DCAF15: variants seen among roughly 807,000 people sequenced by gnomAD.
DCAF15 encodes DDB1- and CUL4-associated factor 15.
DCAF15 carries 24 observed loss-of-function variants against 68.0 expected under a neutral mutation model. The ratio of observed to expected loss-of-function variants is 0.35; its 90% CI spans 0.26 to 0.50. The LOEUF (loss-of-function observed/expected upper bound fraction) is 0.50. Ranked by LOEUF, DCAF15 falls within the 20% of genes least tolerant of loss-of-function variation. The pLI, the probability that DCAF15 is intolerant of heterozygous loss-of-function variation, is 0.98. For synonymous variants in DCAF15, 376 were observed against 341.6 expected, an observed-to-expected ratio of 1.10 and a Z score of -1.11; for missense variants, 627 against 830.6, an observed-to-expected ratio of 0.75 and a Z score of 3.01.
chr19:13,960,146 G>A (rs993616962), intron 10 of DCAF15, 77 bp downstream of exon 10: 18 of 1,585,730 alleles, frequency 1.1e-5, no homozygotes, highest in African/African-American at 6.7e-5. Context: ...GTGTGGGGAC[G>A]TGAGAAGGCT....
intron 6 of DCAF15, among the ~76,000 whole-genome samples, chr19:13,956,751 C>T (rs1293299743): frequency 2.6e-5 from 4 of 152,246 alleles, no homozygotes; most frequent in Non-Finnish European, 4.4e-5. Context: ...CTCCAGCAGC[C>T]ACTTGGAATG....
At chr19:13,955,847 C>A in intron 3 of DCAF15, 65 bp from the exon 4 acceptor site, 1 of 1,546,046 alleles carries the variant, frequency 6.5e-7, no homozygotes, top group South Asian at 1.1e-5. Context: ...GGGACTGCAT[C>A]GTACAGCTTC....
intron 1 of DCAF15, chr19:13,953,062 C>T (rs541784705): frequency 2.6e-6 from 4 of 1,546,676 alleles, no homozygotes; most frequent in South Asian, 2.4e-5. Context: ...CTTCCTCCGC[C>T]TGATGTTCCT....
rs773923258 is a variant in DCAF15 at position 13,961,280 on chromosome 19, G to C, written c.*285G>C. 2 of 529,388 alleles carry C rather than the reference G, an allele frequency of 3.8e-6. No homozygotes were observed. Among genetic ancestry groups the C allele is most frequent in the Non-Finnish European group, 6.8e-6 (2 of 293,154 alleles). 32.8% of individuals were successfully genotyped at this position (529,388 alleles called of 1,614,324 possible). A position where few individuals can be genotyped will look rare whatever the true frequency, so the allele number is the denominator to read the frequency against. On this transcript the variant is annotated 3_prime_UTR_variant, in exon 13 of 13. Transcript: ENST00000254337. ...GAGCTGGGCATGGGCCTGGCCCCTC[G>C]TGCATTTGCCCTTTTCTCGGCTACA...
At chr19:13,960,854 T>C in intron 12 of DCAF15, 86 bp from the exon 13 acceptor site, 2 of 1,567,898 alleles carry the variant, frequency 1.3e-6, no homozygotes, top group Admixed American at 1.7e-5. Flanking sequence ...TGGAACCTTC[T>C]GGGCCAGAAG....
rs762430566 is a variant in DCAF15 at position 13,959,729 on chromosome 19, G to C, written c.1312-38G>C. 4 of 1,612,722 alleles carry C rather than the reference G, an allele frequency of 2.5e-6. No homozygotes were observed. The East Asian group carries it at 6.7e-5, about 27-fold the overall frequency. ...AGTCCCGGGGAGCTGCCGGGGGGCAGTTGGCACCGTCCCCTGCGCCTACCC... is the reference window on the plus strand; with the variant it reads ...AGTCCCGGGGAGCTGCCGGGGGGCACTTGGCACCGTCCCCTGCGCCTACCC... On this transcript the variant is annotated intron_variant, in intron 8 of 12. Transcript: ENST00000254337.
rs201905508 is a variant in DCAF15, at chr19:13,959,762, C to T, written c.1312-5C>T. 38 of 1,613,652 alleles carry T rather than the reference C, an allele frequency of 2.4e-5. No homozygotes were observed. In the Admixed American group the frequency reaches 4.3e-4, roughly 18 times the overall value. On this transcript the variant is annotated splice_region_variant and splice_polypyrimidine_tract_variant and intron_variant, in intron 8 of 12. Transcript: ENST00000254337. The stretch of plus-strand genomic sequence containing the variant: ...CGTCCCCTGCGCCTACCCACTCACC[C>T]GCAGGGCCAGTACCTGACAGTGGAG...
chr19:13,958,171 G>A (rs542838366), intron 6 of DCAF15, among the ~76,000 whole-genome samples: 11 of 152,180 alleles, frequency 7.2e-5, no homozygotes, highest in Non-Finnish European at 1.2e-4. Flanking sequence ...GGTTGACGCC[G>A]CTCTGCCCTT....
chr19:13,956,662 G>T, intron 6 of DCAF15, 140 bp downstream of exon 6: 2 of 1,043,670 alleles, frequency 1.9e-6, no homozygotes, highest in Non-Finnish European at 2.8e-6. Context: ...TGGGAATGCT[G>T]CGGTCCAAAT....
chr19:13,959,257 G>C lies in DCAF15; in HGVS notation c.997G>C (p.Glu333Gln). 1 of 1,612,256 alleles carries C rather than the reference G, an allele frequency of 6.2e-7. No homozygotes were observed. Residue 333 changes from glutamate (E) to glutamine (Q), a missense_variant, in exon 7 of 13, where the codon GAG (glutamate) becomes CAG (glutamine). By Grantham distance (29) the Glu-to-Gln change is conservative (BLOSUM62 2). Around this residue, in one of 3 missense-constraint regions of DCAF15, gnomAD observed 236 missense variants for 225.1 expected, o/e 1.05. Coordinates refer to ENST00000254337, the MANE Select transcript of DCAF15 (RefSeq NM_138353.4). ...FVADIFRRAKEAKGGVPEEAR... is the reference protein window; with the variant it reads ...FVADIFRRAKQAKGGVPEEAR... ...GGCTGACATCTTCCGCCGGGCCAAA[G>C]AGGCCAAGGGCGGGGTCCCTGAGGA...
At chr19:13,952,929 A>C in intron 1 of DCAF15, 1 of 858,304 alleles carries the variant, frequency 1.2e-6, no homozygotes, top group Non-Finnish European at 1.7e-6. Flanking sequence ...AGGCGACCCC[A>C]GAGGCCGCAG....
chr19:13,955,314 G>A lies in DCAF15; in HGVS notation c.367-598G>A, dbSNP rs892779559. Among the ~76,000 whole-genome samples, 22 of 152,252 alleles carry A rather than the reference G, an allele frequency of 1.4e-4. 1 individual carries two copies. The highest frequency in any genetic ancestry group is 8.8e-5 in the Non-Finnish European group (6 of 68,020). On this transcript the variant is annotated intron_variant, in intron 3 of 12. Transcript: ENST00000254337. ...ACATGTCTGTAATCCCAGCTATTCCGGAGGCTGAGGCAGGAGAATCGCTTA... is the reference window on the plus strand; with the variant it reads ...ACATGTCTGTAATCCCAGCTATTCCAGAGGCTGAGGCAGGAGAATCGCTTA...
intron 1 of DCAF15, chr19:13,953,062 C>G (rs541784705): frequency 4.5e-5 from 70 of 1,546,560 alleles, no homozygotes; most frequent in Non-Finnish European, 5.8e-5. Context: ...CTTCCTCCGC[C>G]TGATGTTCCT....
intron 6 of DCAF15, among the ~76,000 whole-genome samples, chr19:13,958,751 A>C (rs906101333): frequency 1.3e-5 from 2 of 152,000 alleles, no homozygotes; most frequent in African/African-American, 4.8e-5. Flanking sequence ...TACGCTGTAG[A>C]GTGTTGTCTC....
At chr19:13,954,481 T>G (rs781721993) in intron 2 of DCAF15, 44 bp downstream of exon 2, 1 of 1,613,804 alleles carries the variant, frequency 6.2e-7, no homozygotes, top group African/African-American at 1.3e-5. Flanking sequence ...GCGGGAGTGG[T>G]GGGCTCGCCC....
chr19:13,952,894 G>A lies in DCAF15; in HGVS notation c.132+250G>A, dbSNP rs554514332. ...CTGGGATGGAGGGGGTTGGGGGCGG[G>A]GCCCCAGGGAGGGGGCTCGGAGGGA... On this transcript the variant is annotated intron_variant, in intron 1 of 12. Transcript: ENST00000254337. 4 of 785,256 alleles carry A rather than the reference G, an allele frequency of 5.1e-6. No homozygotes were observed. The Admixed American group carries it at 9.4e-5, about 18-fold the overall frequency. 48.6% of individuals were successfully genotyped at this position (785,256 alleles called of 1,614,324 possible). A position where few individuals can be genotyped will look rare whatever the true frequency, so the allele number is the denominator to read the frequency against.
intron 1 of DCAF15, among the ~76,000 whole-genome samples, chr19:13,953,787 G>A (rs1270277422): frequency 2.0e-5 from 3 of 152,206 alleles, no homozygotes; most frequent in Non-Finnish European, 2.9e-5. Context: ...GTTGGAAGGC[G>A]GTAGTTAATT....
intron 6 of DCAF15, 113 bp downstream of exon 6, chr19:13,956,635 G>A: frequency 8.2e-7 from 1 of 1,217,068 alleles, no homozygotes; most frequent in Non-Finnish European, 1.1e-6. Context: ...ACTTCCCCAA[G>A]TCACACAGCC....
In DCAF15 at chr19:13,960,398, C is replaced by G. The variant is rs897671398; in HGVS notation, c.1631+7C>G. ...AGGTCAAAGGGCAGACCAGGTGAGG[C>G]AGGGCTGGGGGGCAGGGTCAGGGCG... On this transcript the variant is annotated splice_region_variant and intron_variant, in intron 11 of 12. Transcript: ENST00000254337. The G allele has an allele frequency of 6.2e-7, 1 of 1,613,522 alleles. No individual in the cohort carries two copies. The highest frequency in any genetic ancestry group is 1.3e-5 in the African/African-American group (1 of 74,932).
Sources: allele counts gnomAD v4.1 joint callset (sites outside exome capture counted in the v4.1 genomes callset), GRCh38; gene constraint gnomAD v4.1.1; regional missense constraint gnomAD v4.1.1; transcripts MANE v1.5; gene names NCBI Gene and HGNC (gene_info 2026-07-23, HGNC 2026-07-21).